The following TNFRSF10A variants were observed in gnomAD, a reference collection of about 807,000 sequenced individuals.
TNFRSF10A encodes the protein tumor necrosis factor receptor superfamily member 10A.
Under a neutral mutation model 42.8 loss-of-function variants are expected in TNFRSF10A, and 44 were observed. The observed-to-expected ratio is 1.03, with a 90% CI of 0.81 to 1.32. The LOEUF (loss-of-function observed/expected upper bound fraction) is 1.32. TNFRSF10A is among the 40% of genes most tolerant of loss of function. The pLI is 0.00. For missense variants in TNFRSF10A, 680 were observed against 602.0 expected (o/e 1.13, Z -1.36); for synonymous variants, 259 against 234.2 (o/e 1.11, Z -0.97).
chr8:23,202,868 A>G, intron 2 of TNFRSF10A, 107 bp from the exon 3 acceptor site: 2 of 719,078 alleles, frequency 2.8e-6, no homozygotes, highest in South Asian at 3.2e-5. Context: ...CCCCAGACAG[A>G]GAAATCCCAT....
chr8:23,196,351 G>A (rs1034323687), intron 9 of TNFRSF10A, among the ~76,000 whole-genome samples: 5 of 150,612 alleles, frequency 3.3e-5, no homozygotes, highest in African/African-American at 7.3e-5. Flanking sequence ...CCGCCAATAC[G>A]CCTGGCTAAT....
intron 1 of TNFRSF10A, among the ~76,000 whole-genome samples, chr8:23,213,736 G>A (rs932714266): frequency 7.2e-5 from 11 of 151,992 alleles, no homozygotes; most frequent in Non-Finnish European, 1.5e-4. Flanking sequence ...GAGCCACCAC[G>A]CCCAGCTGTT....
rs1801101161 is a variant in TNFRSF10A, at chr8:23,212,161, T to G, written c.358A>C (p.Thr120Pro). ...TIKLHDQSIG[T>P]QQWEHSPLGE... ...AAAGGGCTATGTTCCCATTGCTGTG[T>G]GCCAATTGATTGATCATGAAGTTTG... Residue 120 changes from threonine (T) to proline (P), a missense_variant, in exon 2 of 10, where the codon ACA becomes CCA. Coordinates refer to ENST00000221132, the MANE Select transcript of TNFRSF10A (RefSeq NM_003844.4). 6.2e-7 allele frequency: 1 copy of G among 1,613,808 alleles called. No homozygotes were observed. Among genetic ancestry groups the G allele is most frequent in the Non-Finnish European group, 8.5e-7 (1 of 1,179,844 alleles).
In TNFRSF10A at chr8:23,220,617, T is replaced by C. The variant is rs535840979; in HGVS notation, c.306+4139A>G. Among the ~76,000 whole-genome samples the C allele has an allele frequency of 5.3e-5, 8 of 152,322 alleles. No homozygotes were observed. In the East Asian group the frequency reaches 1.2e-3, roughly 22 times the overall value. ...CCGTGTAGGAGGACAAATCACATGC[T>C]CAGGGCTGGTGTCAGTCACTCATGA... On this transcript the variant is annotated intron_variant, in intron 1 of 9. Transcript: ENST00000221132.
intron 8 of TNFRSF10A, among the ~76,000 whole-genome samples, chr8:23,198,153 G>C (rs182911974): frequency 6.6e-6 from 1 of 152,064 alleles, no homozygotes; most frequent in African/African-American, 2.4e-5. Flanking sequence ...GGGACCCAAA[G>C]CAGAGGGAAA....
At chr8:23,215,173 C>T (rs1476997799) in intron 1 of TNFRSF10A, among the ~76,000 whole-genome samples, 1 of 151,814 alleles carries the variant, frequency 6.6e-6, no homozygotes, top group Non-Finnish European at 1.5e-5. Context: ...ATTTTTGCAT[C>T]TTTTCTGTAA....
chr8:23,214,259 A>G (rs35561835), intron 1 of TNFRSF10A, among the ~76,000 whole-genome samples: 37,764 of 152,006 alleles, frequency 0.25, 5,190 homozygotes, highest in East Asian at 0.67. Flanking sequence ...AGGCCGAGGC[A>G]GGCAGATCAC....
chr8:23,200,324 C>T (rs11987461), intron 6 of TNFRSF10A, among the ~76,000 whole-genome samples, 181 bp downstream of exon 6: 2,105 of 152,100 alleles, frequency 0.014, 57 homozygotes, highest in African/African-American at 0.048. Context: ...GGGAGAGGGA[C>T]GGATGACACC....
At chr8:23,221,936 G>A (rs1021140833) in intron 1 of TNFRSF10A, among the ~76,000 whole-genome samples, 1 of 151,866 alleles carries the variant, frequency 6.6e-6, no homozygotes, top group Non-Finnish European at 1.5e-5. Flanking sequence ...GAGTGCAGTG[G>A]CGAGATCTCG....
In TNFRSF10A at chr8:23,191,999, A is replaced by G. The variant is rs757174389; in HGVS notation, c.1102T>C (p.Phe368Leu). The change falls in exon 10 of 10, where the codon TTT becomes CTT. Residue 368 changes from phenylalanine to leucine, a missense_variant. By Grantham distance (22) the Phe-to-Leu change is conservative (BLOSUM62 0). Coordinates refer to ENST00000221132, the MANE Select transcript of TNFRSF10A (RefSeq NM_003844.4). ...ADPTETLMLF[F>L]DKFANIVPFD... ...GGCACGATGTTTGCAAACTTGTCAA[A>G]GAACAGCATCAGAGCTGGGTGGAGA... 5 of 1,613,640 alleles carry G rather than the reference A, an allele frequency of 3.1e-6. No homozygotes were observed. In the Admixed American group the frequency reaches 8.3e-5, roughly 27 times the overall value.
At chr8:23,196,544 A>C (rs1350308385) in intron 9 of TNFRSF10A, among the ~76,000 whole-genome samples, 1 of 152,168 alleles carries the variant, frequency 6.6e-6, no homozygotes, top group African/African-American at 2.4e-5. Context: ...GTTTTAGTCC[A>C]TCAGGGGACA....
intron 4 of TNFRSF10A, 87 bp downstream of exon 4, chr8:23,201,721 G>A (rs946944781): frequency 2.8e-5 from 34 of 1,225,844 alleles, no homozygotes; most frequent in Non-Finnish European, 3.8e-5. Context: ...TGATAGATAC[G>A]GGTACAAGGA....
intron 2 of TNFRSF10A, chr8:23,206,869 T>G: frequency 4.2e-6 from 1 of 236,220 alleles, no homozygotes; most frequent in Non-Finnish European, 8.6e-6. Context: ...AAGTAAAGAT[T>G]TTGACTTAGT....
intron 4 of TNFRSF10A, among the ~76,000 whole-genome samples, chr8:23,201,314 T>C (rs539793356): frequency 3.9e-5 from 6 of 152,260 alleles, no homozygotes; most frequent in African/African-American, 1.4e-4. Context: ...TCATGGGAAC[T>C]TGAAGGAGCT....
intron 2 of TNFRSF10A, among the ~76,000 whole-genome samples, chr8:23,203,676 C>T (rs868380682): frequency 2.0e-5 from 3 of 152,308 alleles, no homozygotes; most frequent in Non-Finnish European, 4.4e-5. Context: ...GGAAAAAAAA[C>T]TTCCTTGATA....
At chr8:23,196,871 G>A (rs571299985) in intron 9 of TNFRSF10A, among the ~76,000 whole-genome samples, 7 of 152,286 alleles carry the variant, frequency 4.6e-5, no homozygotes, top group Admixed American at 3.9e-4. Flanking sequence ...TTGTTCTCCT[G>A]AACAACAAAG....
intron 2 of TNFRSF10A, among the ~76,000 whole-genome samples, chr8:23,208,076 G>T (rs1331471889): frequency 6.6e-6 from 1 of 152,200 alleles, no homozygotes; most frequent in Non-Finnish European, 1.5e-5. Flanking sequence ...ACTTCCTAGA[G>T]ACTTGTTGAA....
At chr8:23,200,904 C>T in intron 4 of TNFRSF10A, 144 bp from the exon 5 acceptor site, 1 of 783,522 alleles carries the variant, frequency 1.3e-6, no homozygotes, top group Admixed American at 2.1e-5. Context: ...GGGGGTCCCC[C>T]TATGCTCCCT....
chr8:23,202,638 C>T lies in TNFRSF10A; in HGVS notation c.517+10G>A. The T allele has an allele frequency of 6.2e-7, 1 of 1,608,832 alleles. No individual in the cohort carries two copies. Among genetic ancestry groups the T allele is most frequent in the South Asian group, 1.1e-5 (1 of 90,970 alleles). On this transcript the variant is annotated intron_variant, in intron 3 of 9. Transcript: ENST00000221132. ...TCCACCTCTGGACAAGAGGTCCACA[C>T]ATTCTGTACCTGATTTACAAGCTGT...
Sources: allele counts gnomAD v4.1 joint callset (sites outside exome capture counted in the v4.1 genomes callset), GRCh38; gene constraint gnomAD v4.1.1; transcripts MANE v1.5; gene names NCBI Gene and HGNC (gene_info 2026-07-23, HGNC 2026-07-21).